Variants in ARHGAP32 observed in about 807,000 individuals in gnomAD.
The protein encoded by ARHGAP32 is rho GTPase-activating protein 32.
In ARHGAP32, 51 loss-of-function variants were observed where a neutral mutation model predicts 186.5. The observed-to-expected ratio is 0.27, with a 90% CI of 0.22 to 0.35. ARHGAP32 has a LOEUF of 0.35. Among genes scored for constraint, ARHGAP32 ranks in the 10% least tolerant of loss-of-function variants. The pLI, the probability that ARHGAP32 is intolerant of heterozygous loss-of-function variation, is 1.00. For missense variants in ARHGAP32, 2,186 were observed against 2,623.5 expected, an observed-to-expected ratio of 0.83 and a Z score of 3.64; for synonymous variants, 950 against 964.3, an observed-to-expected ratio of 0.99 and a Z score of 0.27.
intron 1 of ARHGAP32, among the ~76,000 whole-genome samples, chr11:129,166,553 T>C (rs559093121): frequency 1.3e-5 from 2 of 151,858 alleles, no homozygotes; most frequent in East Asian, 3.9e-4. Context: ...ATAATTACAA[T>C]GGGAGAAGAC....
At position 129,206,169 on chromosome 11, in the gene ARHGAP32, A is replaced by G. The variant is rs909937745; in HGVS notation, c.-4-41742T>C. Among the ~76,000 whole-genome samples, 13 of 152,144 alleles carry G rather than the reference A, an allele frequency of 8.5e-5. 1 individual carries two copies. The highest frequency in any genetic ancestry group is 7.9e-4 in the Admixed American group (12 of 15,242). On this transcript the variant is annotated intron_variant, in intron 1 of 6. Coordinates refer to the ARHGAP32 transcript ENST00000525234. ...CACTAATCACTCAATTACCACAAAT[A>G]TCCACTCAAGGTAAACTTTTCCAAC...
intron 1 of ARHGAP32, among the ~76,000 whole-genome samples, chr11:129,226,475 A>G (rs768035141): frequency 1.1e-4 from 17 of 152,176 alleles, no homozygotes; most frequent in Non-Finnish European, 2.5e-4. Flanking sequence ...CAAAGTGCTG[A>G]AAGAAAAATG....
At chr11:129,157,677 C>A (rs1212948098) in intron 2 of ARHGAP32, among the ~76,000 whole-genome samples, 1 of 152,116 alleles carries the variant, frequency 6.6e-6, no homozygotes, top group East Asian at 1.9e-4. Flanking sequence ...TCCAGGAGAA[C>A]TTCCCCAACC....
intron 5 of ARHGAP32, among the ~76,000 whole-genome samples, chr11:129,111,257 T>C (rs544402301): frequency 2.0e-4 from 30 of 152,354 alleles, no homozygotes; most frequent in African/African-American, 6.3e-4. Flanking sequence ...CATCTTTGCA[T>C]CCCTGGAATA....
chr11:129,017,756 T>G (rs1023900256), intron 11 of ARHGAP32, among the ~76,000 whole-genome samples: 1 of 152,176 alleles, frequency 6.6e-6, no homozygotes, highest in Non-Finnish European at 1.5e-5. Context: ...CTCCAATAAA[T>G]GCCTCTCTTG....
intron 10 of ARHGAP32, among the ~76,000 whole-genome samples, chr11:129,054,001 C>T (rs1232267455): frequency 2.6e-5 from 4 of 151,954 alleles, no homozygotes; most frequent in Admixed American, 6.6e-5. Flanking sequence ...TGAATATCTG[C>T]CCCTTGAAAT....
intron 10 of ARHGAP32, among the ~76,000 whole-genome samples, chr11:129,043,223 C>G (rs746001020): frequency 6.6e-5 from 10 of 152,124 alleles, no homozygotes; most frequent in Admixed American, 6.5e-4. Context: ...ATAGTGCTCT[C>G]CAAGTCACAT....
Position 128,966,752 on chromosome 11 carries a change from T to A in ARHGAP32, c.*2155A>T, listed in dbSNP as rs1486154822. On this transcript the variant is annotated 3_prime_UTR_variant, in exon 23 of 23. Coordinates refer to ENST00000682385, the MANE Select transcript of ARHGAP32 (RefSeq NM_001378024.1). Reference sequence around the variant, plus strand: ...TCTCAGTTACTTAAAGCCGTGTGTATCTCCTGGTCACAGCAGCCCCTCTTC... The same window carrying A: ...TCTCAGTTACTTAAAGCCGTGTGTAACTCCTGGTCACAGCAGCCCCTCTTC... 3 of 152,162 alleles carry A rather than the reference T, an allele frequency of 2.0e-5. No individual in the cohort carries two copies. Among genetic ancestry groups the A allele is most frequent in the Non-Finnish European group, 4.4e-5 (3 of 68,032 alleles). The allele number at this position is 152,162 out of a possible 1,614,324, so 9.4% of individuals were successfully genotyped here. A position where few individuals can be genotyped will look rare whatever the true frequency, so the allele number is the denominator to read the frequency against.
intron 5 of ARHGAP32, among the ~76,000 whole-genome samples, chr11:129,110,816 CA>C (rs2135338366): frequency 6.6e-6 from 1 of 152,262 alleles, no homozygotes; most frequent in South Asian, 2.1e-4. Flanking sequence ...TTTATCAGAT[CA>C]AAAAGTTTTC....
In ARHGAP32 at chr11:129,253,700, C is replaced by G. The variant is rs1433538913; in HGVS notation, c.-5+25446G>C. Among the ~76,000 whole-genome samples the G allele has an allele frequency of 2.0e-5, 3 of 152,016 alleles. No homozygotes were observed. In the East Asian group the frequency reaches 5.8e-4, roughly 29 times the overall value. On this transcript the variant is annotated intron_variant, in intron 1 of 6. Coordinates refer to the ARHGAP32 transcript ENST00000525234. ...GTACAAGTACAATATGTTTATAAACCTGAGGTATCCAACTCTGGTTGGAAA... is the reference window on the plus strand; with the variant it reads ...GTACAAGTACAATATGTTTATAAACGTGAGGTATCCAACTCTGGTTGGAAA...
intron 1 of ARHGAP32, among the ~76,000 whole-genome samples, chr11:129,167,975 T>G (rs1165907940): frequency 6.6e-6 from 1 of 152,170 alleles, no homozygotes; most frequent in African/African-American, 2.4e-5. Context: ...CTGGGTGCAG[T>G]GGCTCACACC....
intron 1 of ARHGAP32, among the ~76,000 whole-genome samples, chr11:129,207,065 C>T (rs1944523793): frequency 6.6e-6 from 1 of 152,094 alleles, no homozygotes; most frequent in South Asian, 2.1e-4. Context: ...TCATCCATGT[C>T]CCTGCAAAGG....
intron 5 of ARHGAP32, among the ~76,000 whole-genome samples, chr11:129,118,334 AT>A (rs1485761872): frequency 2.6e-5 from 4 of 151,994 alleles, no homozygotes; most frequent in African/African-American, 7.2e-5. Flanking sequence ...GGAAAAAAAA[AT>A]ATAAGAAAAA....
chr11:129,177,109 C>A (rs1474055012), intron 1 of ARHGAP32, among the ~76,000 whole-genome samples: 1 of 151,428 alleles, frequency 6.6e-6, no homozygotes, highest in African/African-American at 2.4e-5. Context: ...GGGGATATCA[C>A]CACCGATCCC....
chr11:129,119,994 T>C (rs761307761), intron 5 of ARHGAP32, among the ~76,000 whole-genome samples: 4 of 152,124 alleles, frequency 2.6e-5, no homozygotes, highest in African/African-American at 4.8e-5. Context: ...CTGAATAAGA[T>C]GAAAACTAAC....
At chr11:129,026,895 C>T (rs1439560789) in intron 11 of ARHGAP32, among the ~76,000 whole-genome samples, 1 of 149,982 alleles carries the variant, frequency 6.7e-6, no homozygotes, top group Admixed American at 6.7e-5. Flanking sequence ...GTCAGGAGAT[C>T]GAGACCATCC....
chr11:129,045,233 C>G (rs1344920675), intron 10 of ARHGAP32, among the ~76,000 whole-genome samples: 1 of 152,234 alleles, frequency 6.6e-6, no homozygotes, highest in Non-Finnish European at 1.5e-5. Flanking sequence ...CCTGTCTCCT[C>G]CTCTGTGCCG....
At chr11:129,116,312 C>A (rs1034700234) in intron 5 of ARHGAP32, among the ~76,000 whole-genome samples, 3 of 152,008 alleles carry the variant, frequency 2.0e-5, no homozygotes, top group Admixed American at 1.3e-4. Flanking sequence ...ACAGTCCAAC[C>A]ACTTTTACAC....
chr11:129,268,759 T>C (rs1945438640), intron 1 of ARHGAP32, among the ~76,000 whole-genome samples: 1 of 148,586 alleles, frequency 6.7e-6, no homozygotes, highest in Non-Finnish European at 1.5e-5. Flanking sequence ...CTTGTCTCAA[T>C]GGATTTTTCA....
Sources: allele counts gnomAD v4.1 joint callset (sites outside exome capture counted in the v4.1 genomes callset), GRCh38; gene constraint gnomAD v4.1.1; transcripts MANE v1.5; gene names NCBI Gene and HGNC (gene_info 2026-07-23, HGNC 2026-07-21).